PCGF5: variants seen among roughly 807,000 people sequenced by gnomAD.
The protein encoded by PCGF5 is polycomb group RING finger protein 5.
Under a neutral mutation model 44.3 loss-of-function variants are expected in PCGF5, and 9 were observed. The ratio of observed to expected loss-of-function variants is 0.20; its 90% confidence interval spans 0.12 to 0.35. The LOEUF is 0.35. Ranked by LOEUF, PCGF5 falls within the 10% of genes least tolerant of loss-of-function variation. The pLI, the probability that PCGF5 is intolerant of heterozygous loss-of-function variation, is 1.00. For missense variants in PCGF5, 146 were observed against 305.3 expected, an observed-to-expected ratio of 0.48 and a Z score of 3.89; for synonymous variants, 95 against 102.5, an observed-to-expected ratio of 0.93 and a Z score of 0.44.
intron 2 of PCGF5, among the ~76,000 whole-genome samples, chr10:91,224,890 G>A (rs561023585): frequency 1.3e-4 from 20 of 152,200 alleles, no homozygotes; most frequent in African/African-American, 4.1e-4. Flanking sequence ...TTCTACTTCC[G>A]TTTCCCGTTT....
At chr10:91,164,540 T>C (rs1199718539) in intron 1 of PCGF5, among the ~76,000 whole-genome samples, 1 of 152,184 alleles carries the variant, frequency 6.6e-6, no homozygotes, top group Non-Finnish European at 1.5e-5. Flanking sequence ...CTGAAGTAAT[T>C]AGAAAAATTT....
At chr10:91,191,329 G>A (rs1286108624) in intron 1 of PCGF5, among the ~76,000 whole-genome samples, 1 of 152,138 alleles carries the variant, frequency 6.6e-6, no homozygotes, top group African/African-American at 2.4e-5. Context: ...GATGGCTACT[G>A]AGTGACTAAG....
At chr10:91,174,414 C>T (rs544034882) in intron 1 of PCGF5, among the ~76,000 whole-genome samples, 8 of 151,972 alleles carry the variant, frequency 5.3e-5, no homozygotes, top group East Asian at 2.0e-4. Flanking sequence ...GGCTGAGGCA[C>T]GAGAATCACT....
chr10:91,246,296 A>T (rs1286695245), intron 3 of PCGF5, among the ~76,000 whole-genome samples: 4 of 152,170 alleles, frequency 2.6e-5, no homozygotes, highest in African/African-American at 9.7e-5. Flanking sequence ...CTTGTCTTGA[A>T]GAATAAGGTA....
chr10:91,265,160 T>C (rs973178934), intron 8 of PCGF5, among the ~76,000 whole-genome samples: 1 of 152,264 alleles, frequency 6.6e-6, no homozygotes, highest in Admixed American at 6.5e-5. Context: ...GTTAATTCTG[T>C]AGGACTAATA....
chr10:91,178,186 G>T (rs1205507711), intron 1 of PCGF5, among the ~76,000 whole-genome samples: 2 of 152,116 alleles, frequency 1.3e-5, no homozygotes, highest in Admixed American at 6.5e-5. Context: ...AGTATTATGA[G>T]ATGGAAAAAA....
chr10:91,177,119 C>G (rs928396065), intron 1 of PCGF5, among the ~76,000 whole-genome samples: 1 of 152,238 alleles, frequency 6.6e-6, no homozygotes, highest in African/African-American at 2.4e-5. Context: ...AGTTTTCCTT[C>G]TAACAGTCAG....
Position 91,261,999 on chromosome 10 carries a change from G to A in PCGF5, c.573+575G>A, listed in dbSNP as rs556197946. Among the ~76,000 whole-genome samples the A allele has an allele frequency of 2.0e-5, 3 of 152,304 alleles. No individual in the cohort carries two copies. The East Asian group carries it at 5.8e-4, about 29-fold the overall frequency. ...GCTTTTCATGTGTTCCATGTTTAGAGAATGTTTTTAATCCTAGAGTTATAA... is the reference window on the plus strand; with the variant it reads ...GCTTTTCATGTGTTCCATGTTTAGAAAATGTTTTTAATCCTAGAGTTATAA... On this transcript the variant is annotated intron_variant, in intron 7 of 9. Coordinates refer to ENST00000336126, the MANE Select transcript of PCGF5 (RefSeq NM_032373.5).
chr10:91,234,426 G>C (rs1217077212), intron 2 of PCGF5, among the ~76,000 whole-genome samples: 1 of 152,200 alleles, frequency 6.6e-6, no homozygotes, highest in East Asian at 1.9e-4. Flanking sequence ...TTCAAAGATA[G>C]GCTCTTCCTA....
In PCGF5 at chr10:91,281,765, A is replaced by T. The variant is rs956428999; in HGVS notation, c.*3449A>T. 6.6e-6 allele frequency: 1 copy of T among 152,334 alleles called. No individual in the cohort carries two copies. The highest frequency in any genetic ancestry group is 2.4e-5 in the African/African-American group (1 of 41,454). The allele number at this position is 152,334 out of a possible 1,614,324, so 9.4% of individuals were successfully genotyped here. ...CTTTAAACTGAATTTTCTTGGTGAG[A>T]TCAGTCAAATGCAGGCTTTTCTTGC... On this transcript the variant is annotated 3_prime_UTR_variant, in exon 10 of 10. Coordinates refer to ENST00000336126, the MANE Select transcript of PCGF5 (RefSeq NM_032373.5).
intron 1 of PCGF5, among the ~76,000 whole-genome samples, chr10:91,221,193 C>T (rs1247554793): frequency 1.3e-5 from 2 of 152,282 alleles, no homozygotes; most frequent in East Asian, 3.9e-4. Flanking sequence ...AAAAGTTCCC[C>T]CTTGCCCCCG....
chr10:91,164,882 TAGG>T (rs1843471615), intron 1 of PCGF5, among the ~76,000 whole-genome samples: 1 of 152,266 alleles, frequency 6.6e-6, no homozygotes, highest in South Asian at 2.1e-4. Context: ...TTACTTTGTT[TAGG>T]AGTTCTTTTA....
chr10:91,212,660 A>G (rs1844474067), intron 1 of PCGF5, among the ~76,000 whole-genome samples: 1 of 152,250 alleles, frequency 6.6e-6, no homozygotes, highest in African/African-American at 2.4e-5. Flanking sequence ...CCTAACTTCT[A>G]TAACGCATGC....
At chr10:91,273,728 C>T (rs919977940) in intron 9 of PCGF5, among the ~76,000 whole-genome samples, 1 of 151,612 alleles carries the variant, frequency 6.6e-6, no homozygotes, top group Admixed American at 6.6e-5. Context: ...ACAGAGAACC[C>T]ACAATTAGAA....
intron 9 of PCGF5, among the ~76,000 whole-genome samples, chr10:91,276,075 A>T (rs1467671333): frequency 2.6e-5 from 4 of 151,926 alleles, no homozygotes; most frequent in Non-Finnish European, 4.4e-5. Context: ...AAATGAAACT[A>T]AATAATATGT....
chr10:91,243,085 A>G (rs1845371431), intron 3 of PCGF5, among the ~76,000 whole-genome samples: 1 of 152,216 alleles, frequency 6.6e-6, no homozygotes, highest in Non-Finnish European at 1.5e-5. Context: ...TTAAAGGATA[A>G]GAAGAAATGG....
intron 1 of PCGF5, among the ~76,000 whole-genome samples, chr10:91,213,992 G>T (rs1844498185): frequency 6.6e-6 from 1 of 152,102 alleles, no homozygotes; most frequent in South Asian, 2.1e-4. Flanking sequence ...AATTCAGTAA[G>T]ACTCATGTCC....
chr10:91,195,485 TAGAGAGAGAG>T (rs57633765), intron 1 of PCGF5, among the ~76,000 whole-genome samples: 1 of 113,482 alleles, frequency 8.8e-6, no homozygotes. Flanking sequence ...TATATATATA[TAGAGAGAGAG>T]AGAGAGAGAG....
intron 2 of PCGF5, chr10:91,228,017 CAT>C (rs1489051767): frequency 1.2e-6 from 1 of 820,170 alleles, no homozygotes; most frequent in Non-Finnish European, 1.5e-6. Flanking sequence ...TAACTTGAAA[CAT>C]GTAGGCATTG....
Sources: gnomAD v4.1 joint callset for allele counts (sites outside exome capture counted in the v4.1 genomes callset) on GRCh38, gnomAD v4.1.1 for gene constraint, MANE v1.5 for transcripts, NCBI Gene and HGNC (gene_info 2026-07-23, HGNC 2026-07-21) for gene names.